NAALADL2: variants seen among roughly 807,000 people sequenced by gnomAD.
The protein encoded by NAALADL2 is N-acetylated alpha-linked acidic dipeptidase like 2.
A neutral mutation model predicts 87.2 loss-of-function variants in NAALADL2; 76 were observed. That is an observed-to-expected ratio of 0.87 (90% confidence interval 0.72 to 1.05). NAALADL2 has a LOEUF of 1.05. Ranked by LOEUF, NAALADL2 falls within the 50% of genes least tolerant of loss-of-function variation. NAALADL2 has a pLI of 0.00. For synonymous variants in NAALADL2, 354 were observed against 331.0 expected (o/e 1.07, Z -0.75); for missense variants, 1,089 against 945.8 (o/e 1.15, Z -1.99).
At chr3:174,917,387 G>A (rs1347579946) in intron 1 of NAALADL2, among the ~76,000 whole-genome samples, 2 of 152,026 alleles carry the variant, frequency 1.3e-5, no homozygotes, top group Non-Finnish European at 2.9e-5. Context: ...GCTTGGTCAC[G>A]ACTTTAATTG....
chr3:174,671,500 G>A (rs760385456), intron 2 of NAALADL2, among the ~76,000 whole-genome samples: 4 of 152,100 alleles, frequency 2.6e-5, no homozygotes, highest in Non-Finnish European at 4.4e-5. Flanking sequence ...AATGTGTGGT[G>A]AGGGAGAGAA....
At chr3:174,926,892 T>C (rs1478469270) in intron 1 of NAALADL2, among the ~76,000 whole-genome samples, 2 of 152,104 alleles carry the variant, frequency 1.3e-5, no homozygotes, top group African/African-American at 4.8e-5. Context: ...AATGCTGCAA[T>C]TAAAAGACAC....
chr3:175,638,874 C>A (rs1728901873), intron 11 of NAALADL2, among the ~76,000 whole-genome samples: 1 of 152,110 alleles, frequency 6.6e-6, no homozygotes, highest in South Asian at 2.1e-4. Flanking sequence ...ATTGACCCTG[C>A]CAACGTCCAA....
chr3:174,924,240 C>T (rs534993126), intron 1 of NAALADL2, among the ~76,000 whole-genome samples: 8 of 116,814 alleles, frequency 6.8e-5, no homozygotes, highest in African/African-American at 2.0e-4. Context: ...GGCCCCGGTG[C>T]GTGATGTCCC....
chr3:175,508,555 C>G (rs1287410158), intron 9 of NAALADL2, among the ~76,000 whole-genome samples: 1 of 152,112 alleles, frequency 6.6e-6, no homozygotes, highest in Non-Finnish European at 1.5e-5. Context: ...CCATTTTTGA[C>G]ATGCAAAAAC....
At chr3:174,620,393 C>A (rs1037766092) in intron 2 of NAALADL2, among the ~76,000 whole-genome samples, 8 of 151,910 alleles carry the variant, frequency 5.3e-5, no homozygotes, top group Non-Finnish European at 7.4e-5. Flanking sequence ...GCAACACCTA[C>A]TGGATATTAC....
At chr3:175,175,942 T>A (rs1735632715) in intron 2 of NAALADL2, among the ~76,000 whole-genome samples, 1 of 152,144 alleles carries the variant, frequency 6.6e-6, no homozygotes. Context: ...CTTTTTGTAT[T>A]CAGGCAGTTA....
At chr3:175,013,122 A>ACATATTTATATATAAATATG (rs1750204896) in intron 1 of NAALADL2, among the ~76,000 whole-genome samples, 1 of 72,104 alleles carries the variant, frequency 1.4e-5, no homozygotes, top group Admixed American at 1.5e-4. Context: ...ATATAAATAT[A>ACATATTTATATATAAATATG]CATATTTATA....
intron 10 of NAALADL2, among the ~76,000 whole-genome samples, chr3:175,600,916 G>A (rs945683298): frequency 6.6e-6 from 1 of 152,084 alleles, no homozygotes; most frequent in Non-Finnish European, 1.5e-5. Flanking sequence ...AATGGACCTT[G>A]TTTCATTTCA....
At chr3:175,083,559 A>G (rs1718300532) in intron 1 of NAALADL2, among the ~76,000 whole-genome samples, 1 of 152,196 alleles carries the variant, frequency 6.6e-6, no homozygotes, top group Admixed American at 6.5e-5. Flanking sequence ...TCTGGAGTTC[A>G]TAGCTAGTAA....
At chr3:175,083,763 G>A (rs1169846720) in intron 1 of NAALADL2, among the ~76,000 whole-genome samples, 3 of 152,122 alleles carry the variant, frequency 2.0e-5, no homozygotes, top group Non-Finnish European at 4.4e-5. Context: ...GGCTGAATGA[G>A]TTAAAATACC....
chr3:174,700,923 G>A (rs766806110), intron 2 of NAALADL2, among the ~76,000 whole-genome samples: 14 of 152,074 alleles, frequency 9.2e-5, no homozygotes, highest in Non-Finnish European at 1.5e-4. Flanking sequence ...TGGTCCTGTT[G>A]GATAATGGAG....
intron 1 of NAALADL2, among the ~76,000 whole-genome samples, chr3:174,539,866 C>T (rs1255651852): frequency 6.8e-6 from 1 of 146,514 alleles, no homozygotes; most frequent in African/African-American, 2.5e-5. Flanking sequence ...AAAACATGAA[C>T]AAAGATGCCA....
intron 1 of NAALADL2, among the ~76,000 whole-genome samples, chr3:175,081,687 T>A (rs1357470235): frequency 6.6e-6 from 1 of 152,230 alleles, no homozygotes; most frequent in Non-Finnish European, 1.5e-5. Flanking sequence ...AAGCACAGCA[T>A]TGGTTCTTGT....
At chr3:174,545,652 A>AT (rs369847454) in intron 1 of NAALADL2, among the ~76,000 whole-genome samples, 110 of 151,154 alleles carry the variant, frequency 7.3e-4, no homozygotes, top group African/African-American at 2.0e-3. Context: ...TCAGCTTGGT[A>AT]TTTTTTTTGT....
chr3:174,918,918 C>T (rs999622461), intron 1 of NAALADL2, among the ~76,000 whole-genome samples: 4 of 151,142 alleles, frequency 2.6e-5, no homozygotes, highest in East Asian at 2.0e-4. Context: ...ATGTTCAGAT[C>T]GGGACCACTA....
chr3:175,802,562 T>C (rs1754299207), intron 13 of NAALADL2, among the ~76,000 whole-genome samples: 1 of 152,078 alleles, frequency 6.6e-6, no homozygotes. Flanking sequence ...TTATATATTG[T>C]ATTGCAATTG....
intron 2 of NAALADL2, among the ~76,000 whole-genome samples, chr3:175,120,824 G>A (rs1459016366): frequency 2.0e-5 from 3 of 151,666 alleles, no homozygotes; most frequent in Non-Finnish European, 4.4e-5. Flanking sequence ...ACCAATTCTT[G>A]TTTTGTTGTT....
chr3:174,962,412 CATATATATATATATATATATGT>C (rs1742217553), intron 1 of NAALADL2, among the ~76,000 whole-genome samples: 1 of 89,076 alleles, frequency 1.1e-5, no homozygotes, highest in Non-Finnish European at 2.1e-5. Flanking sequence ...GTGACTATGA[CATATATATATATATATATATGT>C]ATATTTTTAA....
Sources: gnomAD v4.1 joint callset for allele counts (sites outside exome capture counted in the v4.1 genomes callset) on GRCh38, gnomAD v4.1.1 for gene constraint, MANE v1.5 for transcripts, NCBI Gene and HGNC (gene_info 2026-07-23, HGNC 2026-07-21) for gene names.